The following CDIN1 variants were observed in gnomAD, a reference collection of about 807,000 sequenced individuals.
CDIN1 encodes the protein CDAN1-interacting nuclease 1.
In CDIN1, 33 loss-of-function variants were observed where a neutral mutation model predicts 45.3. That is an observed-to-expected ratio of 0.73 (90% CI 0.55 to 0.97). The LOEUF (loss-of-function observed/expected upper bound fraction) is 0.97. Ranked by LOEUF, CDIN1 falls within the 50% of genes least tolerant of loss-of-function variation. The pLI is 0.00. For synonymous variants in CDIN1, 118 were observed against 124.4 expected, an observed-to-expected ratio of 0.95 and a Z score of 0.34; for missense variants, 303 against 339.4, an observed-to-expected ratio of 0.89 and a Z score of 0.84.
At chr15:36,798,783 A>C (rs1265631247) in intron 10 of CDIN1, 1 of 152,214 alleles carries the variant, frequency 6.6e-6, no homozygotes, top group Non-Finnish European at 1.5e-5. Context: ...TGAAAAAGAC[A>C]TATTTTGGGT....
At chr15:36,611,353 C>A (rs2038641461) in intron 1 of CDIN1, among the ~76,000 whole-genome samples, 1 of 152,178 alleles carries the variant, frequency 6.6e-6, no homozygotes, top group Non-Finnish European at 1.5e-5. Flanking sequence ...AGTCCACTCT[C>A]CAGCACGTGG....
At chr15:36,611,497 A>G (rs1374639801) in intron 1 of CDIN1, among the ~76,000 whole-genome samples, 1 of 152,168 alleles carries the variant, frequency 6.6e-6, no homozygotes, top group Non-Finnish European at 1.5e-5. Context: ...ATGAAGAAAG[A>G]CTGAGAAGGA....
At chr15:36,685,065 G>A (rs2041991977) in intron 5 of CDIN1, among the ~76,000 whole-genome samples, 1 of 151,828 alleles carries the variant, frequency 6.6e-6, no homozygotes, top group African/African-American at 2.4e-5. Context: ...AGGGCTTTTT[G>A]TGTCTCTATT....
intron 10 of CDIN1, among the ~76,000 whole-genome samples, chr15:36,800,905 G>GTATA (rs1437486563): frequency 4.9e-3 from 109 of 22,064 alleles, no homozygotes; most frequent in East Asian, 6.9e-3. Flanking sequence ...GTGTGTGTGT[G>GTATA]TGTGTATATA....
intron 1 of CDIN1, among the ~76,000 whole-genome samples, chr15:36,592,049 C>T (rs1169406199): frequency 6.6e-5 from 10 of 151,918 alleles, no homozygotes; most frequent in Non-Finnish European, 1.3e-4. Flanking sequence ...GCCAGGCCTT[C>T]TACTCTTTAG....
chr15:36,614,345 G>A (rs545939153), intron 1 of CDIN1: 24 of 539,852 alleles, frequency 4.4e-5, no homozygotes, highest in South Asian at 3.4e-4. Context: ...TCTCCCCTGT[G>A]GCTTTTTTGC....
chr15:36,626,057 T>C (rs2039409243), intron 1 of CDIN1, among the ~76,000 whole-genome samples: 1 of 151,866 alleles, frequency 6.6e-6, no homozygotes, highest in Non-Finnish European at 1.5e-5. Flanking sequence ...ATCTCTGTTA[T>C]TGTCATCAGG....
chr15:36,648,494 C>G (rs2040441587), intron 3 of CDIN1: 1 of 121,484 alleles, frequency 8.2e-6, no homozygotes, highest in Non-Finnish European at 1.6e-5. Context: ...TGCAGTGGTG[C>G]AATCTCAGCT....
At chr15:36,804,130 C>A (rs1237674749) in intron 10 of CDIN1, among the ~76,000 whole-genome samples, 1 of 152,056 alleles carries the variant, frequency 6.6e-6, no homozygotes, top group Non-Finnish European at 1.5e-5. Context: ...ATTGTACCAA[C>A]CTCATGGAGT....
chr15:36,656,759 A>T (rs1164444077), intron 4 of CDIN1, among the ~76,000 whole-genome samples: 1 of 152,130 alleles, frequency 6.6e-6, no homozygotes, highest in Non-Finnish European at 1.5e-5. Flanking sequence ...ATTTCTTTCT[A>T]CTTGGGGAAT....
intron 1 of CDIN1, among the ~76,000 whole-genome samples, chr15:36,612,060 T>C (rs1209136929): frequency 6.6e-6 from 1 of 152,244 alleles, no homozygotes; most frequent in Non-Finnish European, 1.5e-5. Context: ...GTGTCTGTTT[T>C]CTCATTCTTC....
intron 1 of CDIN1, among the ~76,000 whole-genome samples, chr15:36,609,295 C>T (rs565493092): frequency 3.3e-5 from 5 of 152,274 alleles, no homozygotes; most frequent in South Asian, 4.1e-4. Flanking sequence ...GGATTATAGG[C>T]GTGAGCCACC....
At chr15:36,672,376 C>A (rs1278852038) in intron 5 of CDIN1, among the ~76,000 whole-genome samples, 1 of 151,924 alleles carries the variant, frequency 6.6e-6, no homozygotes, top group African/African-American at 2.4e-5. Flanking sequence ...ATTTAAGTAC[C>A]TCTGTGTGCC....
intron 10 of CDIN1, among the ~76,000 whole-genome samples, chr15:36,794,231 T>C (rs1429778034): frequency 6.6e-6 from 1 of 151,982 alleles, no homozygotes; most frequent in Non-Finnish European, 1.5e-5. Flanking sequence ...GCTAATTTTT[T>C]TGTATTTTTA....
At chr15:36,643,759 G>A (rs1489030953) in intron 1 of CDIN1, among the ~76,000 whole-genome samples, 2 of 152,164 alleles carry the variant, frequency 1.3e-5, no homozygotes, top group African/African-American at 2.4e-5. Context: ...TTCATAGCAC[G>A]CCAGTATCGG....
intron 1 of CDIN1, among the ~76,000 whole-genome samples, chr15:36,594,351 T>C (rs2037718883): frequency 6.6e-6 from 1 of 152,244 alleles, no homozygotes; most frequent in Admixed American, 6.5e-5. Context: ...AAAGCATAAT[T>C]ATGCTATAGA....
chr15:36,637,302 T>C (rs906087955), intron 1 of CDIN1, among the ~76,000 whole-genome samples: 2 of 152,108 alleles, frequency 1.3e-5, no homozygotes, highest in African/African-American at 4.8e-5. Context: ...TCTAGAAAAA[T>C]ATATGAAAAT....
At chr15:36,645,491 GACT>G (rs1175385572) in intron 3 of CDIN1, among the ~76,000 whole-genome samples, 3 of 111,420 alleles carry the variant, frequency 2.7e-5, no homozygotes, top group Non-Finnish European at 5.6e-5. Flanking sequence ...AGGCTGTCTT[GACT>G]TGTGTGTGTG....
intron 1 of CDIN1, among the ~76,000 whole-genome samples, chr15:36,643,808 A>G (rs1345928544): frequency 6.6e-6 from 1 of 152,188 alleles, no homozygotes; most frequent in Non-Finnish European, 1.5e-5. Flanking sequence ...CTTCTAGTAA[A>G]GACCAAAGTT....
Sources: gnomAD v4.1 joint callset for allele counts (sites outside exome capture counted in the v4.1 genomes callset) on GRCh38, gnomAD v4.1.1 for gene constraint, MANE v1.5 for transcripts, NCBI Gene and HGNC (gene_info 2026-07-23, HGNC 2026-07-21) for gene names.